Variants in DCDC1 observed in about 807,000 individuals in gnomAD.
DCDC1 encodes the protein doublecortin domain-containing protein 1.
A neutral mutation model predicts 178.3 loss-of-function variants in DCDC1; 200 were observed. The observed-to-expected ratio is 1.12, with a 90% CI of 1.00 to 1.26. DCDC1 has a LOEUF of 1.26. DCDC1 is among the 50% of genes most tolerant of loss of function. DCDC1 has a pLI of 0.00. For missense variants in DCDC1, 1,983 were observed against 1,749.2 expected, an observed-to-expected ratio of 1.13 and a Z score of -2.38; for synonymous variants, 690 against 604.8, an observed-to-expected ratio of 1.14 and a Z score of -2.07.
intron 20 of DCDC1, among the ~76,000 whole-genome samples, chr11:31,025,323 A>G (rs1411594816): frequency 6.6e-6 from 1 of 151,820 alleles, no homozygotes; most frequent in Admixed American, 6.6e-5. Flanking sequence ...CTTGAACTCA[A>G]AAAGCCACAA....
At chr11:31,313,443 C>T (rs1213674993) in intron 3 of DCDC1, among the ~76,000 whole-genome samples, 1 of 152,124 alleles carries the variant, frequency 6.6e-6, no homozygotes, top group Non-Finnish European at 1.5e-5. Context: ...TTTCAGGGGT[C>T]CTAGCCTTAT....
intron 9 of DCDC1, among the ~76,000 whole-genome samples, chr11:31,198,814 C>T (rs1970978513): frequency 6.6e-6 from 1 of 151,956 alleles, no homozygotes; most frequent in Non-Finnish European, 1.5e-5. Flanking sequence ...AAAGACCATC[C>T]TCATTGCTGG....
intron 1 of DCDC1, among the ~76,000 whole-genome samples, chr11:31,359,925 G>C (rs781041243): frequency 6.6e-6 from 1 of 152,166 alleles, no homozygotes; most frequent in African/African-American, 2.4e-5. Flanking sequence ...TTTTGCCTCT[G>C]TCTCTTCCCA....
intron 20 of DCDC1, among the ~76,000 whole-genome samples, chr11:30,995,664 T>C (rs1405979454): frequency 1.3e-5 from 2 of 152,140 alleles, no homozygotes; most frequent in African/African-American, 4.8e-5. Context: ...GAAAGAATTG[T>C]CTTTCAGCAA....
At chr11:31,009,392 T>C (rs1303399989) in intron 20 of DCDC1, among the ~76,000 whole-genome samples, 1 of 151,866 alleles carries the variant, frequency 6.6e-6, no homozygotes, top group African/African-American at 2.4e-5. Flanking sequence ...TTATCACAAA[T>C]TGAGTAGCTT....
chr11:31,223,702 T>G (rs1005642382), intron 9 of DCDC1, among the ~76,000 whole-genome samples: 1 of 152,146 alleles, frequency 6.6e-6, no homozygotes, highest in Non-Finnish European at 1.5e-5. Context: ...ATCTTTATAT[T>G]TCAGCATAAA....
At chr11:30,908,829 T>A (rs1311504961) in intron 29 of DCDC1, 117 bp downstream of exon 29, 2 of 810,720 alleles carry the variant, frequency 2.5e-6, no homozygotes, top group Admixed American at 7.3e-5. Context: ...CACTCAAAAA[T>A]CAGCATTCAA....
At position 31,009,695 on chromosome 11, in the gene DCDC1, C is replaced by T. The variant is rs970412934; in HGVS notation, c.2591+54774G>A. ...CTCTGCTTTTTGTTCTACTCAGGCC[C>T]TCAACCAATTGAATGACATCCATCC... On this transcript the variant is annotated intron_variant, in intron 20 of 38. Coordinates refer to ENST00000684477, the MANE Select transcript of DCDC1 (RefSeq NM_001387274.1). 2.0e-5 allele frequency among the ~76,000 whole-genome samples: 3 copies of T among 152,120 alleles called. No homozygotes were observed. In the South Asian group the frequency reaches 6.2e-4, roughly 32 times the overall value.
intron 9 of DCDC1, among the ~76,000 whole-genome samples, chr11:31,216,608 G>C (rs1357930310): frequency 6.6e-6 from 1 of 152,138 alleles, no homozygotes; most frequent in Non-Finnish European, 1.5e-5. Flanking sequence ...TCCCAGATCA[G>C]CTATGGCATC....
intron 1 of DCDC1, among the ~76,000 whole-genome samples, chr11:31,366,760 A>G (rs768327430): frequency 2.0e-5 from 3 of 152,216 alleles, no homozygotes; most frequent in Non-Finnish European, 2.9e-5. Flanking sequence ...GCAGCCAAGG[A>G]GATGGGACAT....
Position 30,892,842 on chromosome 11 carries a change from A to C in DCDC1, c.5058T>G (p.Tyr1686Ter). 6.2e-7 allele frequency: 1 copy of C among 1,613,934 alleles called. No homozygotes were observed. The highest frequency in any genetic ancestry group is 8.5e-7 in the Non-Finnish European group (1 of 1,179,828). Reference protein sequence around the residue: ...LNGGRPEDGTYAWGKTISELL... With the variant: ...LNGGRPEDGT ...CCTCTGAAATAGTTTTGCCCCAGGC[A>C]TAAGTGCCATCTTCAGGTCTGCCTC... The change falls in exon 36 of 39, where the codon TAT becomes TAG. Residue 1686 changes from tyrosine to a stop codon, truncating the protein, a stop_gained. Transcript: ENST00000684477. LOFTEE classifies it high-confidence loss of function.
chr11:31,213,877 A>G (rs1409175780), intron 9 of DCDC1, among the ~76,000 whole-genome samples: 1 of 151,946 alleles, frequency 6.6e-6, no homozygotes, highest in African/African-American at 2.4e-5. Flanking sequence ...GAGAAAAAGA[A>G]GTATTTATTT....
Position 31,092,051 on chromosome 11 carries a change from T to C in DCDC1, c.2119-540A>G, listed in dbSNP as rs1957852136. ...AAGGGGAATATTGCTTGAAGGGCCA[T>C]TTAACCATTTTCTTACTTAGTGAGT... On this transcript the variant is annotated intron_variant, in intron 16 of 38. Coordinates refer to ENST00000684477, the MANE Select transcript of DCDC1 (RefSeq NM_001387274.1). 2.0e-5 allele frequency among the ~76,000 whole-genome samples: 3 copies of C among 152,320 alleles called. No individual in the cohort carries two copies. In the South Asian group the frequency reaches 6.2e-4, roughly 32 times the overall value.
intron 1 of DCDC1, among the ~76,000 whole-genome samples, chr11:31,349,554 G>A (rs1404677448): frequency 6.6e-6 from 1 of 152,034 alleles, no homozygotes; most frequent in Non-Finnish European, 1.5e-5. Context: ...GATTATAACT[G>A]AAGTTATCAC....
intron 20 of DCDC1, among the ~76,000 whole-genome samples, chr11:30,956,367 T>C (rs1306102768): frequency 2.6e-5 from 4 of 152,154 alleles, no homozygotes; most frequent in Non-Finnish European, 5.9e-5. Context: ...CTGAATTTTA[T>C]AGAAATTCAG....
chr11:31,085,908 T>G (rs1321255287), intron 17 of DCDC1, among the ~76,000 whole-genome samples: 1 of 152,020 alleles, frequency 6.6e-6, no homozygotes, highest in Non-Finnish European at 1.5e-5. Flanking sequence ...TTTTAATTTT[T>G]GTAGACACAG....
At chr11:31,108,605 A>G (rs1033634966) in intron 12 of DCDC1, among the ~76,000 whole-genome samples, 25 of 152,208 alleles carry the variant, frequency 1.6e-4, no homozygotes, top group African/African-American at 5.5e-4. Context: ...TGTGTGTACA[A>G]AGAAGAGGGA....
intron 11 of DCDC1, among the ~76,000 whole-genome samples, chr11:31,116,739 A>C (rs923189117): frequency 1.3e-5 from 2 of 152,132 alleles, no homozygotes; most frequent in African/African-American, 4.8e-5. Flanking sequence ...TGCCTAATAC[A>C]TATGTCTTTA....
chr11:30,990,741 G>T (rs290106), intron 20 of DCDC1, among the ~76,000 whole-genome samples: 88,450 of 152,026 alleles, frequency 0.58, 26,396 homozygotes, highest in African/African-American at 0.69. Context: ...GTTTTTTTCT[G>T]ATTAACTGTA....
Sources: allele counts gnomAD v4.1 joint callset (sites outside exome capture counted in the v4.1 genomes callset), GRCh38; gene constraint gnomAD v4.1.1; transcripts MANE v1.5; gene names NCBI Gene and HGNC (gene_info 2026-07-23, HGNC 2026-07-21).